The following MAGI2 variants were observed in gnomAD, a reference collection of about 807,000 sequenced individuals.
MAGI2 encodes the protein membrane-associated guanylate kinase, WW and PDZ domain-containing protein 2.
In MAGI2, 35 loss-of-function variants were observed where a neutral mutation model predicts 133.3. The observed-to-expected ratio is 0.26, with a 90% CI of 0.20 to 0.35. The LOEUF is 0.35. Among genes scored for constraint, MAGI2 ranks in the 10% least tolerant of loss-of-function variants. The pLI, the probability that MAGI2 is intolerant of heterozygous loss-of-function variation, is 1.00. For synonymous variants in MAGI2, 729 were observed against 710.6 expected (o/e 1.03, Z -0.41); for missense variants, 1,636 against 1,863.4 (o/e 0.88, Z 2.25).
intron 6 of MAGI2, among the ~76,000 whole-genome samples, chr7:78,474,990 G>GTTTTATGT (rs1791599094): frequency 6.6e-6 from 1 of 151,762 alleles, no homozygotes. Context: ...GGTACTTCAA[G>GTTTTATGT]TTTTATGTTG....
At chr7:79,418,863 A>G (rs150316844) in intron 1 of MAGI2, among the ~76,000 whole-genome samples, 29 of 79,854 alleles carry the variant, frequency 3.6e-4, no homozygotes, top group African/African-American at 2.6e-3. Flanking sequence ...ACACACACAC[A>G]CACACGCACA....
chr7:78,519,643 A>G (rs528860108), intron 4 of MAGI2, among the ~76,000 whole-genome samples: 2 of 152,296 alleles, frequency 1.3e-5, no homozygotes, highest in Admixed American at 1.3e-4. Context: ...GTATGAATAG[A>G]AGGAAATTTG....
chr7:78,112,630 G>C (rs139362916), intron 20 of MAGI2, among the ~76,000 whole-genome samples: 80 of 152,342 alleles, frequency 5.3e-4, no homozygotes, highest in African/African-American at 1.8e-3. Context: ...AATGTGCAGA[G>C]TTGGAAAACA....
At chr7:78,963,421 A>G in intron 2 of MAGI2, among the ~76,000 whole-genome samples, 1 of 152,130 alleles carries the variant, frequency 6.6e-6, no homozygotes, top group Admixed American at 6.6e-5. Context: ...TAAAATAAAC[A>G]TCCTCAAAAC....
chr7:79,054,813 C>T (rs1370072447), intron 1 of MAGI2, among the ~76,000 whole-genome samples: 3 of 152,180 alleles, frequency 2.0e-5, no homozygotes, highest in Admixed American at 6.5e-5. Flanking sequence ...TTGGGACAGA[C>T]GGAGTCCCGC....
At chr7:78,448,723 T>C (rs916639185) in intron 6 of MAGI2, among the ~76,000 whole-genome samples, 1 of 152,112 alleles carries the variant, frequency 6.6e-6, no homozygotes, top group African/African-American at 2.4e-5. Flanking sequence ...AATTTAAATA[T>C]GTATATTTGT....
At chr7:78,632,966 C>A (rs1809182074) in intron 2 of MAGI2, among the ~76,000 whole-genome samples, 1 of 152,146 alleles carries the variant, frequency 6.6e-6, no homozygotes, top group Non-Finnish European at 1.5e-5. Context: ...CAGCAGTATT[C>A]ACAATAACAA....
At chr7:78,415,566 A>G (rs776422292) in intron 6 of MAGI2, among the ~76,000 whole-genome samples, 22 of 152,044 alleles carry the variant, frequency 1.4e-4, no homozygotes, top group Non-Finnish European at 2.4e-4. Context: ...TTAGTATGAA[A>G]TATATTTTCT....
intron 2 of MAGI2, among the ~76,000 whole-genome samples, chr7:78,642,672 C>T (rs1810437724): frequency 1.3e-5 from 2 of 152,182 alleles, no homozygotes; most frequent in Admixed American, 6.5e-5. Context: ...ATAATATTCA[C>T]AAGCACTAAT....
intron 10 of MAGI2, chr7:78,254,477 T>A (rs1258000580): frequency 6.6e-6 from 1 of 152,238 alleles, no homozygotes; most frequent in Non-Finnish European, 1.5e-5. Flanking sequence ...CTTGCCAACA[T>A]TTAATTATGA....
chr7:78,070,708 C>G (rs1436291115), intron 21 of MAGI2, among the ~76,000 whole-genome samples: 1 of 149,610 alleles, frequency 6.7e-6, no homozygotes, highest in Non-Finnish European at 1.5e-5. Context: ...ATGGCATGAT[C>G]TTGGCTCACT....
intron 1 of MAGI2, among the ~76,000 whole-genome samples, chr7:79,337,472 A>G (rs1262358617): frequency 1.3e-5 from 2 of 152,214 alleles, no homozygotes; most frequent in East Asian, 1.9e-4. Flanking sequence ...AATTGCAAAG[A>G]GAAAGATCTA....
At chr7:78,825,404 T>G (rs1304151919) in intron 2 of MAGI2, among the ~76,000 whole-genome samples, 1 of 152,212 alleles carries the variant, frequency 6.6e-6, no homozygotes, top group Admixed American at 6.5e-5. Context: ...GTTACTAGTT[T>G]GACCTCCTTT....
chr7:78,779,938 C>T (rs955431616), intron 2 of MAGI2, among the ~76,000 whole-genome samples: 1 of 152,222 alleles, frequency 6.6e-6, no homozygotes, highest in Non-Finnish European at 1.5e-5. Context: ...GGGATTAACA[C>T]CTTTCAATAC....
At chr7:78,305,134 G>A (rs1798148237) in intron 9 of MAGI2, among the ~76,000 whole-genome samples, 1 of 152,162 alleles carries the variant, frequency 6.6e-6, no homozygotes, top group African/African-American at 2.4e-5. Context: ...GAATTGTCAT[G>A]CACTATAGAC....
chr7:78,663,208 T>C (rs1445658751), intron 2 of MAGI2, among the ~76,000 whole-genome samples: 1 of 150,212 alleles, frequency 6.7e-6, no homozygotes, highest in Admixed American at 6.7e-5. Flanking sequence ...AACTCTTTTT[T>C]TTTTTTTTTT....
intron 15 of MAGI2, among the ~76,000 whole-genome samples, chr7:78,166,286 T>C (rs1584232577): frequency 2.0e-5 from 3 of 152,360 alleles, no homozygotes; most frequent in Admixed American, 6.5e-5. Context: ...CTTTGTGGTA[T>C]ATTTCCTTGT....
chr7:78,752,359 T>C (rs11768397), intron 2 of MAGI2, among the ~76,000 whole-genome samples: 6,712 of 152,210 alleles, frequency 0.044, 219 homozygotes, highest in Non-Finnish European at 0.067. Context: ...TCCCAGCACT[T>C]TGGGAGGCCG....
intron 1 of MAGI2, among the ~76,000 whole-genome samples, chr7:79,249,837 C>T (rs1025385511): frequency 6.6e-6 from 1 of 152,008 alleles, no homozygotes; most frequent in Non-Finnish European, 1.5e-5. Context: ...TTGACAAAGA[C>T]ACATCAAAAA....
Sources: allele counts gnomAD v4.1 joint callset (sites outside exome capture counted in the v4.1 genomes callset), GRCh38; gene constraint gnomAD v4.1.1; transcripts MANE v1.5; gene names NCBI Gene and HGNC (gene_info 2026-07-23, HGNC 2026-07-21).